Variants in LMTK2 observed in about 807,000 individuals in gnomAD.
The protein encoded by LMTK2 is lemur tail kinase 2, also known as serine/threonine-protein kinase LMTK2.
Under a neutral mutation model 127.5 loss-of-function variants are expected in LMTK2, and 37 were observed. That is an observed-to-expected ratio of 0.29 (90% CI 0.22 to 0.38). The LOEUF is 0.38. Ranked by LOEUF, LMTK2 falls within the 10% of genes least tolerant of loss-of-function variation. The pLI is 1.00. For synonymous variants in LMTK2, 819 were observed against 810.1 expected, an observed-to-expected ratio of 1.01 and a Z score of -0.19; for missense variants, 1,694 against 1,920.3, an observed-to-expected ratio of 0.88 and a Z score of 2.20.
intron 1 of LMTK2, among the ~76,000 whole-genome samples, chr7:98,120,519 G>A (rs553869598): frequency 2.5e-4 from 38 of 152,268 alleles, no homozygotes; most frequent in African/African-American, 8.9e-4. Context: ...GCTTTTTACT[G>A]CAAAACTAAA....
chr7:98,186,340 CG>C (rs1291875284), intron 8 of LMTK2, among the ~76,000 whole-genome samples: 2 of 152,082 alleles, frequency 1.3e-5, no homozygotes, highest in Admixed American at 1.3e-4. Context: ...GGATTGCAGG[CG>C]TGAGCCACCG....
intron 11 of LMTK2, among the ~76,000 whole-genome samples, chr7:98,200,366 T>G (rs923765714): frequency 6.6e-6 from 1 of 152,212 alleles, no homozygotes; most frequent in African/African-American, 2.4e-5. Flanking sequence ...ATGAATAGTA[T>G]TATACAGTTG....
chr7:98,129,687 G>A (rs987609174), intron 1 of LMTK2, among the ~76,000 whole-genome samples: 3 of 152,106 alleles, frequency 2.0e-5, no homozygotes, highest in African/African-American at 7.2e-5. Flanking sequence ...TCTGTGATCC[G>A]GTAGGTTGGT....
At chr7:98,185,994 A>G (rs28451833) in intron 8 of LMTK2, among the ~76,000 whole-genome samples, 9,089 of 152,140 alleles carry the variant, frequency 0.06, 670 homozygotes, top group East Asian at 0.36. Flanking sequence ...TCTACATAGT[A>G]GCTCTAGTGT....
chr7:98,123,208 T>C (rs1158553694), intron 1 of LMTK2, among the ~76,000 whole-genome samples: 2 of 152,194 alleles, frequency 1.3e-5, no homozygotes, highest in African/African-American at 2.4e-5. Flanking sequence ...AGATACTGAG[T>C]TTCTACTATG....
At chr7:98,122,682 G>C (rs1796379541) in intron 1 of LMTK2, among the ~76,000 whole-genome samples, 1 of 2,954 alleles carries the variant, frequency 3.4e-4, no homozygotes, top group Non-Finnish European at 1.1e-3. Context: ...TACATGGTGT[G>C]TGTGTGTGTG....
At chr7:98,159,513 G>T (rs761810169) in intron 6 of LMTK2, 88 bp downstream of exon 6, 47 of 861,764 alleles carry the variant, frequency 5.5e-5, no homozygotes, top group Non-Finnish European at 9.0e-5. Context: ...ATGAGGGGTT[G>T]CTTTCATGTC....
chr7:98,173,405 C>A (rs1466484905), intron 7 of LMTK2, among the ~76,000 whole-genome samples: 1 of 151,878 alleles, frequency 6.6e-6, no homozygotes, highest in East Asian at 1.9e-4. Flanking sequence ...ATGGAGAAAG[C>A]CTACATTTAG....
intron 3 of LMTK2, among the ~76,000 whole-genome samples, chr7:98,149,066 C>T (rs930982762): frequency 2.0e-5 from 3 of 152,212 alleles, no homozygotes; most frequent in African/African-American, 4.8e-5. Context: ...ATTTGCCTTT[C>T]GTTGTTTTCG....
Position 98,193,758 on chromosome 7 carries a change from G to A in LMTK2, c.3293G>A (p.Gly1098Asp). Reference protein sequence around the residue: ...TPETFTAGSQGSYRDSAYFSD... With the variant: ...TPETFTAGSQDSYRDSAYFSD... ...GAGACGTTCACAGCTGGCTCCCAGG[G>A]TTCATACCGAGACTCTGCGTACTTC... Residue 1098 changes from glycine (G) to aspartate (D), a missense_variant, in exon 11 of 14, where the codon GGT becomes GAT. Physicochemically the swap from Gly to Asp is moderately conservative, Grantham distance 94. Around this residue, in one of 8 missense-constraint regions of LMTK2, gnomAD observed 554 missense variants for 567.7 expected, o/e 0.98. Coordinates refer to ENST00000297293, the MANE Select transcript of LMTK2 (RefSeq NM_014916.4). This position sits in a 1 kb window ranked among gnomAD's most constrained non-coding sequence, Gnocchi z 4.1. 1 of 1,613,964 alleles carries A rather than the reference G, an allele frequency of 6.2e-7. No individual in the cohort carries two copies. Among genetic ancestry groups the A allele is most frequent in the Non-Finnish European group, 8.5e-7 (1 of 1,180,016 alleles).
At chr7:98,142,299 C>T (rs1312990174) in intron 3 of LMTK2, among the ~76,000 whole-genome samples, 1 of 152,158 alleles carries the variant, frequency 6.6e-6, no homozygotes, top group East Asian at 1.9e-4. Context: ...AACCCCCGAA[C>T]TGATGCCACT....
At chr7:98,169,942 T>A (rs1227944474) in intron 6 of LMTK2, among the ~76,000 whole-genome samples, 1 of 152,014 alleles carries the variant, frequency 6.6e-6, no homozygotes, top group South Asian at 2.1e-4. Context: ...GGAAGACCAC[T>A]GCTCCCCTGG....
At chr7:98,175,807 C>T (rs924993404) in intron 7 of LMTK2, among the ~76,000 whole-genome samples, 26 of 152,140 alleles carry the variant, frequency 1.7e-4, no homozygotes, top group Admixed American at 7.9e-4. Flanking sequence ...TGTAATCAGC[C>T]GAGTAGCTAC....
intron 5 of LMTK2, among the ~76,000 whole-genome samples, chr7:98,156,050 A>G (rs2116395231): frequency 6.6e-6 from 1 of 152,348 alleles, no homozygotes; most frequent in East Asian, 1.9e-4. Context: ...AAAAATTGTC[A>G]GAAGACATTA....
At chr7:98,199,806 G>A (rs1797681848) in intron 11 of LMTK2, among the ~76,000 whole-genome samples, 1 of 152,138 alleles carries the variant, frequency 6.6e-6, no homozygotes, top group African/African-American at 2.4e-5. Flanking sequence ...CGTTGTTTTG[G>A]TTAATGTTTG....
chr7:98,197,572 G>C (rs945328200), intron 11 of LMTK2, among the ~76,000 whole-genome samples: 2 of 152,354 alleles, frequency 1.3e-5, no homozygotes, highest in East Asian at 3.9e-4. Flanking sequence ...AGCACTGAAG[G>C]CTGGGCACAG....
intron 9 of LMTK2, 71 bp downstream of exon 9, chr7:98,187,069 T>G: frequency 7.1e-7 from 1 of 1,410,046 alleles, no homozygotes; most frequent in Non-Finnish European, 9.8e-7. Context: ...TTTGAGTACT[T>G]CCTTAAAGGA....
chr7:98,172,985 T>G (rs1189886752), intron 7 of LMTK2, among the ~76,000 whole-genome samples: 2 of 152,216 alleles, frequency 1.3e-5, no homozygotes, highest in African/African-American at 2.4e-5. Context: ...CTCAAACTTC[T>G]GACCTCAGAT....
chr7:98,128,877 C>G (rs147634367), intron 1 of LMTK2, among the ~76,000 whole-genome samples: 1 of 152,214 alleles, frequency 6.6e-6, no homozygotes, highest in East Asian at 1.9e-4. Context: ...TAATGTATTT[C>G]TTAATAAAAC....
Sources: allele counts gnomAD v4.1 joint callset (sites outside exome capture counted in the v4.1 genomes callset), GRCh38; gene constraint gnomAD v4.1.1; regional missense constraint gnomAD v4.1.1; non-coding constraint Gnocchi (gnomAD v3.1); transcripts MANE v1.5; gene names NCBI Gene and HGNC (gene_info 2026-07-23, HGNC 2026-07-21).